The following EXOC6 variants were observed in gnomAD, a reference collection of about 807,000 sequenced individuals.
EXOC6 encodes exocyst complex component 6.
Under a neutral mutation model 112.5 loss-of-function variants are expected in EXOC6, and 60 were observed. The observed-to-expected ratio is 0.53, with a 90% CI of 0.43 to 0.66. The LOEUF is 0.66. EXOC6 is among the 30% of genes least tolerant of loss of function. The pLI is 0.00. For missense variants in EXOC6, 855 were observed against 957.1 expected, an observed-to-expected ratio of 0.89 and a Z score of 1.41; for synonymous variants, 295 against 308.0, an observed-to-expected ratio of 0.96 and a Z score of 0.44.
chr10:93,058,460 C>T lies in EXOC6; in HGVS notation c.*105C>T. 1 of 932,528 alleles carries T rather than the reference C, an allele frequency of 1.1e-6. No homozygotes were observed. Among genetic ancestry groups the T allele is most frequent in the Non-Finnish European group, 1.5e-6 (1 of 662,836 alleles). 57.8% of individuals were successfully genotyped at this position (932,528 alleles called of 1,614,324 possible). On this transcript the variant is annotated 3_prime_UTR_variant, in exon 22 of 22. Coordinates refer to ENST00000260762, the MANE Select transcript of EXOC6 (RefSeq NM_019053.6). ...AATTTGTTTACAGAATCCAAAAATA[C>T]AATAGAGAAGATACATGAGGGCTTA... is the stretch of plus-strand genomic sequence containing the variant.
chr10:93,036,913 A>G (rs1845539506), intron 20 of EXOC6, among the ~76,000 whole-genome samples: 1 of 152,288 alleles, frequency 6.6e-6, no homozygotes, highest in African/African-American at 2.4e-5. Context: ...TCCCAGATTT[A>G]CCTGTTTTCA....
At chr10:92,996,549 A>G (rs1051251386) in intron 18 of EXOC6, among the ~76,000 whole-genome samples, 21 of 151,650 alleles carry the variant, frequency 1.4e-4, no homozygotes, top group Non-Finnish European at 1.8e-4. Flanking sequence ...CCCAGGAGGC[A>G]GAGCTTGCAG....
intron 20 of EXOC6, among the ~76,000 whole-genome samples, chr10:93,047,619 A>G (rs1349607572): frequency 1.3e-5 from 2 of 151,500 alleles, no homozygotes; most frequent in East Asian, 4.0e-4. Flanking sequence ...AGGAAGTTAA[A>G]TTGGTACTAT....
chr10:92,863,697 G>C (rs955244440), intron 1 of EXOC6, among the ~76,000 whole-genome samples: 3 of 152,048 alleles, frequency 2.0e-5, no homozygotes, highest in African/African-American at 7.2e-5. Context: ...CGGATCACAA[G>C]GTCAGGAGAT....
intron 8 of EXOC6, among the ~76,000 whole-genome samples, chr10:92,923,202 A>C (rs1318001599): frequency 6.6e-6 from 1 of 152,102 alleles, no homozygotes; most frequent in Non-Finnish European, 1.5e-5. Flanking sequence ...TCAGGCACAC[A>C]ATTTTTTGCC....
intron 13 of EXOC6, among the ~76,000 whole-genome samples, chr10:92,943,468 A>T (rs996196202): frequency 6.6e-6 from 1 of 152,212 alleles, no homozygotes; most frequent in Non-Finnish European, 1.5e-5. Context: ...AAACTTGACT[A>T]CTTCCATGAT....
intron 17 of EXOC6, among the ~76,000 whole-genome samples, chr10:92,970,312 A>G (rs547330193): frequency 6.6e-6 from 1 of 152,206 alleles, no homozygotes; most frequent in Non-Finnish European, 1.5e-5. Flanking sequence ...TACCCTAAAC[A>G]ATACAGTGTG....
chr10:93,028,799 A>T (rs144394126), intron 20 of EXOC6, among the ~76,000 whole-genome samples: 2,105 of 145,474 alleles, frequency 0.014, 51 homozygotes, highest in African/African-American at 0.051. Flanking sequence ...GTGCCATTGC[A>T]CTCCAGCCTG....
At chr10:92,973,563 T>G (rs2134086143) in intron 17 of EXOC6, among the ~76,000 whole-genome samples, 1 of 152,346 alleles carries the variant, frequency 6.6e-6, no homozygotes, top group East Asian at 1.9e-4. Context: ...TCCTATTGTT[T>G]CTTTCTTCTC....
chr10:92,859,924 G>A (rs1218840561), intron 1 of EXOC6, among the ~76,000 whole-genome samples: 1 of 151,588 alleles, frequency 6.6e-6, no homozygotes, highest in Non-Finnish European at 1.5e-5. Context: ...TGTAGACAAG[G>A]TACAACTGTG....
At chr10:92,894,341 G>A (rs1348314115) in intron 2 of EXOC6, among the ~76,000 whole-genome samples, 1 of 152,164 alleles carries the variant, frequency 6.6e-6, no homozygotes, top group East Asian at 1.9e-4. Flanking sequence ...TGTTGCTGTG[G>A]ATTGAAATTT....
intron 1 of EXOC6, among the ~76,000 whole-genome samples, chr10:92,878,802 A>G (rs968842229): frequency 2.0e-5 from 3 of 152,232 alleles, no homozygotes; most frequent in East Asian, 1.9e-4. Context: ...GTTTTTCTCA[A>G]TCTACCTTAA....
At chr10:92,963,422 T>G (rs959679361) in intron 17 of EXOC6, among the ~76,000 whole-genome samples, 1 of 152,202 alleles carries the variant, frequency 6.6e-6, no homozygotes, top group African/African-American at 2.4e-5. Context: ...AACCTACCTT[T>G]GTAATAGAAC....
At chr10:92,846,135 CT>C (rs1486098563), upstream of EXOC6, among the ~76,000 whole-genome samples, 1 of 152,206 alleles carries the variant, frequency 6.6e-6, no homozygotes, top group African/African-American at 2.4e-5. Flanking sequence ...GAAGATACTG[CT>C]GCTTATGTTG....
intron 1 of EXOC6, among the ~76,000 whole-genome samples, chr10:92,887,545 G>A (rs1014177251): frequency 1.3e-5 from 2 of 151,326 alleles, no homozygotes; most frequent in East Asian, 1.9e-4. Flanking sequence ...GATTACAGGC[G>A]CCCGCCACCA....
chr10:92,875,114 G>A (rs1282242659), intron 1 of EXOC6, among the ~76,000 whole-genome samples: 1 of 152,032 alleles, frequency 6.6e-6, no homozygotes, highest in Non-Finnish European at 1.5e-5. Context: ...CTATCCCCAG[G>A]CACAGCCTAA....
chr10:93,051,978 T>C (rs1283357348), intron 20 of EXOC6, among the ~76,000 whole-genome samples: 4 of 152,216 alleles, frequency 2.6e-5, no homozygotes, highest in African/African-American at 9.6e-5. Flanking sequence ...AGGTTGACCC[T>C]GAGCCCCCAG....
intron 20 of EXOC6, among the ~76,000 whole-genome samples, chr10:93,055,981 C>T (rs1334026332): frequency 2.6e-5 from 4 of 152,068 alleles, no homozygotes; most frequent in Admixed American, 1.3e-4. Context: ...CAAATGTTTC[C>T]TCCATTTGAA....
intron 1 of EXOC6, among the ~76,000 whole-genome samples, chr10:92,856,307 C>T (rs1037390247): frequency 1.3e-5 from 2 of 151,858 alleles, no homozygotes; most frequent in Non-Finnish European, 2.9e-5. Context: ...AATTTGAGAT[C>T]TTTCTTATTT....
Sources: gnomAD v4.1 joint callset for allele counts (sites outside exome capture counted in the v4.1 genomes callset) on GRCh38, gnomAD v4.1.1 for gene constraint, MANE v1.5 for transcripts, NCBI Gene and HGNC (gene_info 2026-07-23, HGNC 2026-07-21) for gene names.